Variants in DOCK3 observed in about 807,000 individuals in gnomAD.
The protein encoded by DOCK3 is dedicator of cytokinesis 3.
In DOCK3, 60 loss-of-function variants were observed where a neutral mutation model predicts 265.6. The observed-to-expected ratio is 0.23, with a 90% confidence interval of 0.18 to 0.28. The LOEUF is 0.28. DOCK3 is among the 10% of genes least tolerant of loss of function. The pLI is 1.00. For synonymous variants in DOCK3, 881 were observed against 938.0 expected (o/e 0.94, Z 1.11); for missense variants, 1,981 against 2,594.3 (o/e 0.76, Z 5.14).
chr3:51,364,797 G>A (rs1365272845), intron 49 of DOCK3, among the ~76,000 whole-genome samples: 2 of 152,168 alleles, frequency 1.3e-5, no homozygotes, highest in African/African-American at 2.4e-5. Flanking sequence ...GGTTGTAGAT[G>A]TGTGGTATTA....
chr3:50,830,168 G>A (rs1157171974), intron 2 of DOCK3, among the ~76,000 whole-genome samples: 1 of 152,046 alleles, frequency 6.6e-6, no homozygotes, highest in East Asian at 1.9e-4. Flanking sequence ...ATCCATAATT[G>A]GGTGAACTCC....
chr3:51,258,385 A>G (rs1002942944), intron 22 of DOCK3, among the ~76,000 whole-genome samples: 4 of 152,178 alleles, frequency 2.6e-5, no homozygotes, highest in South Asian at 2.1e-4. Context: ...GCTTGGGCAT[A>G]TGACAGTAAG....
intron 2 of DOCK3, among the ~76,000 whole-genome samples, chr3:50,804,475 G>A (rs976757276): frequency 3.9e-5 from 6 of 152,182 alleles, no homozygotes; most frequent in Non-Finnish European, 8.8e-5. Context: ...GCAAGACTCC[G>A]TCTGCAATCC....
intron 1 of DOCK3, among the ~76,000 whole-genome samples, chr3:50,747,369 A>G (rs1235516461): frequency 6.6e-6 from 1 of 152,186 alleles, no homozygotes; most frequent in Non-Finnish European, 1.5e-5. Flanking sequence ...GATTGGGTTG[A>G]TTAAAATCTA....
chr3:51,220,666 A>T lies in DOCK3; in HGVS notation c.1253-4983A>T, dbSNP rs796507205. On this transcript the variant is annotated intron_variant, in intron 14 of 52. Coordinates refer to ENST00000266037, the MANE Select transcript of DOCK3 (RefSeq NM_004947.5). Reference sequence around the variant, plus strand: ...AGCAAGACTCCATCTCAAAAAAAAAAAAAAATATATATATATATATATGTG... The same window carrying T: ...AGCAAGACTCCATCTCAAAAAAAAATAAAAATATATATATATATATATGTG... Among the ~76,000 whole-genome samples, 279 of 102,040 alleles carry T rather than the reference A, an allele frequency of 2.7e-3. 2 individuals carry two copies. In the East Asian group the frequency reaches 0.029, roughly 11 times the overall value. The allele number at this position is 102,040 out of a possible 152,430, so 66.9% of individuals were successfully genotyped here. A position where few individuals can be genotyped will look rare whatever the true frequency, so the allele number is the denominator to read the frequency against.
chr3:51,068,535 G>A (rs1310679987), intron 6 of DOCK3, among the ~76,000 whole-genome samples: 7 of 54,356 alleles, frequency 1.3e-4, no homozygotes, highest in South Asian at 1.1e-3. Flanking sequence ...GCGAGACTCC[G>A]TCTGAAAAAA....
chr3:50,752,490 A>C lies in DOCK3; in HGVS notation c.38-26185A>C, dbSNP rs1187468425. Among the ~76,000 whole-genome samples the C allele has an allele frequency of 5.8e-5, 8 of 138,092 alleles. No homozygotes were observed. In the Admixed American group the frequency reaches 6.1e-4, roughly 11 times the overall value. The allele number at this position is 138,092 out of a possible 152,430, so 90.6% of individuals were successfully genotyped here. On this transcript the variant is annotated intron_variant, in intron 1 of 52. Transcript: ENST00000266037. ...CGCCACTGCACTCCAGCCTGGCGAC[A>C]GAGCGAGAGTCCGTCTCAAAAAAAA...
At chr3:50,751,749 G>T (rs1559592231) in intron 1 of DOCK3, among the ~76,000 whole-genome samples, 1 of 152,142 alleles carries the variant, frequency 6.6e-6, no homozygotes, top group Non-Finnish European at 1.5e-5. Flanking sequence ...AAGGAAAGAG[G>T]TTCAGTAGAC....
intron 3 of DOCK3, among the ~76,000 whole-genome samples, chr3:50,847,629 A>T (rs866627883): frequency 1.3e-5 from 2 of 152,086 alleles, no homozygotes; most frequent in Non-Finnish European, 2.9e-5. Flanking sequence ...TATGTCTGTA[A>T]TTCTAGCACT....
chr3:50,761,723 C>T (rs1485344993), intron 1 of DOCK3, among the ~76,000 whole-genome samples: 3 of 152,160 alleles, frequency 2.0e-5, no homozygotes, highest in Non-Finnish European at 4.4e-5. Context: ...AGGCTAATGG[C>T]TTTGATAAAA....
At chr3:50,868,161 C>T (rs938445233) in intron 3 of DOCK3, among the ~76,000 whole-genome samples, 5 of 151,910 alleles carry the variant, frequency 3.3e-5, no homozygotes, top group Admixed American at 6.6e-5. Context: ...ACAACCTCCA[C>T]CTCCCAGGTT....
chr3:51,159,964 A>T (rs985494980), intron 11 of DOCK3, among the ~76,000 whole-genome samples: 1 of 152,230 alleles, frequency 6.6e-6, no homozygotes, highest in Non-Finnish European at 1.5e-5. Flanking sequence ...CCAACAAAAC[A>T]GCTATTTGCT....
intron 4 of DOCK3, among the ~76,000 whole-genome samples, chr3:50,913,836 AT>A (rs1340015316): frequency 6.6e-6 from 1 of 152,026 alleles, no homozygotes; most frequent in East Asian, 1.9e-4. Flanking sequence ...GGTATTGGCG[AT>A]TCACGATTGT....
chr3:51,281,273 A>AT (rs1179597085), intron 27 of DOCK3, among the ~76,000 whole-genome samples: 6 of 85,092 alleles, frequency 7.1e-5, no homozygotes, highest in African/African-American at 2.5e-4. Context: ...TGATGAGCTA[A>AT]AATATATATA....
Position 50,677,970 on chromosome 3 carries a change from G to A in DOCK3, c.37+2670G>A, listed in dbSNP as rs563063818. 3.9e-5 allele frequency among the ~76,000 whole-genome samples: 6 copies of A among 152,180 alleles called. No individual in the cohort carries two copies. The East Asian group carries it at 9.7e-4, about 24-fold the overall frequency. On this transcript the variant is annotated intron_variant, in intron 1 of 52. Coordinates refer to ENST00000266037, the MANE Select transcript of DOCK3 (RefSeq NM_004947.5). ...GGGTCAGTGATAGGCCTGTCAGTGT[G>A]CCTGGGACTCTCACTTAGGTAACCC...
At chr3:50,758,298 C>T (rs1418224181) in intron 1 of DOCK3, among the ~76,000 whole-genome samples, 1 of 150,168 alleles carries the variant, frequency 6.7e-6, no homozygotes, top group Non-Finnish European at 1.5e-5. Context: ...CCTTATGCCA[C>T]TACCACACTA....
At chr3:51,309,647 G>A (rs896845364) in intron 27 of DOCK3, among the ~76,000 whole-genome samples, 9 of 86,946 alleles carry the variant, frequency 1.0e-4, no homozygotes, top group African/African-American at 4.2e-4. Flanking sequence ...GAGAGCGAGA[G>A]CGAGAGCTCT....
At chr3:51,213,380 C>T (rs1340052844) in intron 13 of DOCK3, among the ~76,000 whole-genome samples, 2 of 152,078 alleles carry the variant, frequency 1.3e-5, no homozygotes, top group Non-Finnish European at 2.9e-5. Context: ...GCAGCGGGGA[C>T]CCTCAGGAGG....
Position 50,921,317 on chromosome 3 carries a change from C to G in DOCK3, c.219-12664C>G, listed in dbSNP as rs535289618. On this transcript the variant is annotated intron_variant, in intron 4 of 52. Transcript: ENST00000266037. ...TTCAGTTGATCTTCAGTCACTGATA[C>G]CCTTTCTTCCACTTGATCAAATTGG... Among the ~76,000 whole-genome samples, 29 of 152,258 alleles carry G rather than the reference C, an allele frequency of 1.9e-4. 1 individual carries two copies. In the South Asian group the frequency reaches 6.0e-3, roughly 32 times the overall value.
Sources: allele counts gnomAD v4.1 joint callset (sites outside exome capture counted in the v4.1 genomes callset), GRCh38; gene constraint gnomAD v4.1.1; transcripts MANE v1.5; gene names NCBI Gene and HGNC (gene_info 2026-07-23, HGNC 2026-07-21).